The following SEMA3A variants were observed in gnomAD, a reference collection of about 807,000 sequenced individuals.
SEMA3A encodes semaphorin 3A.
A neutral mutation model predicts 97.9 loss-of-function variants in SEMA3A; 29 were observed. That is an observed-to-expected ratio of 0.30 (90% CI 0.22 to 0.40). The LOEUF is 0.40. Among genes scored for constraint, SEMA3A ranks in the 10% least tolerant of loss-of-function variants. The pLI is 1.00. For missense variants in SEMA3A, 763 were observed against 951.3 expected, an observed-to-expected ratio of 0.80 and a Z score of 2.60; for synonymous variants, 321 against 323.7, an observed-to-expected ratio of 0.99 and a Z score of 0.09.
intron 1 of SEMA3A, among the ~76,000 whole-genome samples, chr7:84,445,516 A>AAAAAAAAAAAAAAAAAAAG (rs1805391070): frequency 3.2e-5 from 4 of 123,682 alleles, no homozygotes; most frequent in East Asian, 2.7e-4. Context: ...AAAAAAAAAA[A>AAAAAAAAAAAAAAAAAAAG]AAAAGAAAAG....
chr7:84,394,783 T>A (rs1270709765), intron 1 of SEMA3A, among the ~76,000 whole-genome samples: 2 of 152,170 alleles, frequency 1.3e-5, no homozygotes, highest in Admixed American at 6.6e-5. Flanking sequence ...GAAATGGATC[T>A]TCTGATGAAA....
rs374834146 is a variant in SEMA3A, at chr7:84,339,779, G to A, written c.-169+32045C>T. On this transcript the variant is annotated intron_variant, in intron 2 of 3. Coordinates refer to the SEMA3A transcript ENST00000424555. ...AGAATTCTGTGAAGTAGAGCTAAAC[G>A]GTGTTTCATTTTCTCAATTCCAAAA... Among the ~76,000 whole-genome samples the A allele has an allele frequency of 2.1e-3, 313 of 152,054 alleles. 12 individuals are homozygous for A. The South Asian group carries it at 0.064, about 31-fold the overall frequency.
intron 1 of SEMA3A, among the ~76,000 whole-genome samples, chr7:84,450,242 T>TTC (rs1441518458): frequency 1.3e-5 from 2 of 151,442 alleles, no homozygotes; most frequent in African/African-American, 4.8e-5. Flanking sequence ...ACTTCTCTCT[T>TTC]TCTCTCTCTC....
chr7:84,294,656 C>T (rs1800827080), intron 3 of SEMA3A, among the ~76,000 whole-genome samples: 1 of 151,960 alleles, frequency 6.6e-6, no homozygotes, highest in Non-Finnish European at 1.5e-5. Flanking sequence ...TTTTACTCCT[C>T]TTTTACTCCA....
chr7:84,087,258 T>G (rs967268901), intron 4 of SEMA3A, among the ~76,000 whole-genome samples: 1 of 152,134 alleles, frequency 6.6e-6, no homozygotes, highest in African/African-American at 2.4e-5. Context: ...GAAGTGTGAT[T>G]TTGTGTTATT....
intron 6 of SEMA3A, among the ~76,000 whole-genome samples, chr7:84,042,312 C>T (rs1369457185): frequency 1.3e-5 from 2 of 152,034 alleles, no homozygotes; most frequent in African/African-American, 4.8e-5. Context: ...CAGGCACGAT[C>T]CTTTTAGGAA....
chr7:84,179,148 C>G (rs185429428), intron 1 of SEMA3A, among the ~76,000 whole-genome samples: 27 of 152,188 alleles, frequency 1.8e-4, no homozygotes, highest in Admixed American at 4.6e-4. Flanking sequence ...AACATAAGTT[C>G]TTTGGTGCAG....
intron 1 of SEMA3A, among the ~76,000 whole-genome samples, chr7:84,467,263 C>T: frequency 6.6e-6 from 1 of 152,108 alleles, no homozygotes; most frequent in East Asian, 1.9e-4. Context: ...TGCCTCATGC[C>T]TGTAATCCCA....
intron 2 of SEMA3A, among the ~76,000 whole-genome samples, chr7:84,313,665 T>C (rs906467820): frequency 6.6e-6 from 1 of 151,894 alleles, no homozygotes; most frequent in Non-Finnish European, 1.5e-5. Flanking sequence ...TGATTTTAAA[T>C]ACTTATTTTT....
intron 1 of SEMA3A, among the ~76,000 whole-genome samples, chr7:84,464,923 G>T (rs752628285): frequency 1.4e-4 from 22 of 152,100 alleles, no homozygotes; most frequent in Non-Finnish European, 2.8e-4. Flanking sequence ...AGGAAGAATT[G>T]CTTCAAGGCC....
intron 3 of SEMA3A, among the ~76,000 whole-genome samples, chr7:84,295,698 G>T (rs945702355): frequency 2.0e-5 from 3 of 151,946 alleles, no homozygotes; most frequent in Non-Finnish European, 2.9e-5. Flanking sequence ...TTGTAACTAT[G>T]CCCTCTAATA....
At chr7:84,233,951 G>C (rs2116362343) in intron 3 of SEMA3A, among the ~76,000 whole-genome samples, 1 of 151,616 alleles carries the variant, frequency 6.6e-6, no homozygotes, top group East Asian at 1.9e-4. Flanking sequence ...TGACTACCAT[G>C]TGAATCTAAC....
intron 1 of SEMA3A, among the ~76,000 whole-genome samples, chr7:84,402,483 C>G (rs1235079188): frequency 6.6e-6 from 1 of 152,116 alleles, no homozygotes; most frequent in South Asian, 2.1e-4. Flanking sequence ...ATTCATGAAT[C>G]CCCCAGCTGG....
intron 1 of SEMA3A, among the ~76,000 whole-genome samples, chr7:84,462,513 G>A (rs1467076137): frequency 6.6e-6 from 1 of 152,046 alleles, no homozygotes; most frequent in Non-Finnish European, 1.5e-5. Context: ...TCTTATTTTT[G>A]AAATTAGAAT....
At chr7:84,419,432 G>C (rs1804526494) in intron 1 of SEMA3A, among the ~76,000 whole-genome samples, 1 of 151,524 alleles carries the variant, frequency 6.6e-6, no homozygotes, top group Non-Finnish European at 1.5e-5. Flanking sequence ...CAAAAAAGCA[G>C]AGCTTTCAGC....
chr7:84,070,774 C>T (rs1371442532), intron 4 of SEMA3A, among the ~76,000 whole-genome samples: 4 of 152,038 alleles, frequency 2.6e-5, no homozygotes, highest in Non-Finnish European at 5.9e-5. Flanking sequence ...AGACCCCTTC[C>T]TTCTGCCCTC....
At chr7:84,173,753 G>A (rs905658240) in intron 1 of SEMA3A, among the ~76,000 whole-genome samples, 1 of 152,002 alleles carries the variant, frequency 6.6e-6, no homozygotes, top group Admixed American at 6.6e-5. Context: ...TCCCACAGAT[G>A]GGTACCAGCC....
chr7:84,437,635 A>G (rs1805171342), intron 1 of SEMA3A, among the ~76,000 whole-genome samples: 2 of 151,836 alleles, frequency 1.3e-5, no homozygotes, highest in Admixed American at 6.6e-5. Flanking sequence ...AGATTTTGAA[A>G]ATCTGGATAT....
In SEMA3A at chr7:84,444,572, T is replaced by G. The variant is rs1039716247; in HGVS notation, c.-246+47888A>C. Among the ~76,000 whole-genome samples the G allele has an allele frequency of 6.6e-5, 10 of 150,782 alleles. 1 individual carries two copies. The highest frequency in any genetic ancestry group is 6.6e-4 in the Admixed American group (10 of 15,166). On this transcript the variant is annotated intron_variant, in intron 1 of 3. Transcript: ENST00000424555. ...TTTTCTTTTCTTTTTTTCTTTTTTT[T>G]TTTTTTTGAGACGGAGTCTGGCTCT...
Sources: allele counts gnomAD v4.1 joint callset (sites outside exome capture counted in the v4.1 genomes callset), GRCh38; gene constraint gnomAD v4.1.1; transcripts MANE v1.5; gene names NCBI Gene and HGNC (gene_info 2026-07-23, HGNC 2026-07-21).